Variants in COL25A1 observed in about 807,000 individuals in gnomAD.
COL25A1 encodes collagen alpha-1(XXV) chain.
In COL25A1, 103 loss-of-function variants were observed where a neutral mutation model predicts 128.4. The observed-to-expected ratio is 0.80, with a 90% CI of 0.68 to 0.94. The LOEUF (loss-of-function observed/expected upper bound fraction) is 0.94. Among genes scored for constraint, COL25A1 ranks in the 40% least tolerant of loss-of-function variants. The pLI is 0.00. For missense variants in COL25A1, 745 were observed against 840.0 expected (o/e 0.89, Z 1.40); for synonymous variants, 279 against 277.2 (o/e 1.01, Z -0.06).
intron 8 of COL25A1, among the ~76,000 whole-genome samples, chr4:108,946,497 T>A (rs891546934): frequency 6.6e-5 from 10 of 152,332 alleles, no homozygotes; most frequent in Non-Finnish European, 1.3e-4. Context: ...AGTTTAAATA[T>A]TAGAAAGCTT....
chr4:108,837,305 CA>C (rs1439938788), intron 31 of COL25A1, among the ~76,000 whole-genome samples: 1 of 151,980 alleles, frequency 6.6e-6, no homozygotes, highest in African/African-American at 2.4e-5. Flanking sequence ...GATTTTATGT[CA>C]TATTTTACTA....
intron 3 of COL25A1, among the ~76,000 whole-genome samples, chr4:109,054,169 T>C (rs1761244436): frequency 2.0e-5 from 3 of 152,378 alleles, no homozygotes; most frequent in South Asian, 4.1e-4. Flanking sequence ...GAGAATTTGA[T>C]AAAAGTTGAC....
At chr4:109,019,371 C>CATATATATATATATATAT (rs1183525991) in intron 5 of COL25A1, among the ~76,000 whole-genome samples, 22 of 8,928 alleles carry the variant, frequency 2.5e-3, no homozygotes, top group East Asian at 9.1e-3. Context: ...CACACACACA[C>CATATATATATATATATAT]ACACATATAT....
At chr4:109,296,799 T>C (rs1448747579) in intron 3 of COL25A1, among the ~76,000 whole-genome samples, 1 of 152,122 alleles carries the variant, frequency 6.6e-6, no homozygotes, top group East Asian at 1.9e-4. Flanking sequence ...ACACTACTGA[T>C]GAGTAAGATA....
At chr4:108,961,277 G>A (rs1750646565) in intron 8 of COL25A1, among the ~76,000 whole-genome samples, 1 of 152,170 alleles carries the variant, frequency 6.6e-6, no homozygotes, top group African/African-American at 2.4e-5. Context: ...TTCACACACA[G>A]AGATGTGTAT....
At chr4:108,893,064 T>C (rs1741704135) in intron 16 of COL25A1, among the ~76,000 whole-genome samples, 1 of 152,192 alleles carries the variant, frequency 6.6e-6, no homozygotes, top group Admixed American at 6.5e-5. Flanking sequence ...CCAAATATGA[T>C]GTGGCTTCTG....
chr4:109,145,134 T>C (rs1298224461), intron 3 of COL25A1, among the ~76,000 whole-genome samples: 1 of 146,698 alleles, frequency 6.8e-6, no homozygotes, highest in Non-Finnish European at 1.5e-5. Context: ...AGTGGCGCAA[T>C]CTGGGCTCCT....
intron 13 of COL25A1, among the ~76,000 whole-genome samples, chr4:108,917,586 C>A (rs1745017758): frequency 6.6e-6 from 1 of 152,168 alleles, no homozygotes; most frequent in Non-Finnish European, 1.5e-5. Context: ...AGTAAATGTA[C>A]ACAACACATA....
chr4:109,239,417 TATA>T (rs1560914863), intron 3 of COL25A1, among the ~76,000 whole-genome samples: 227 of 138,438 alleles, frequency 1.6e-3, no homozygotes, highest in African/African-American at 5.2e-3. Context: ...TATATATATA[TATA>T]TATTTATTTA....
intron 3 of COL25A1, among the ~76,000 whole-genome samples, chr4:109,076,826 C>T (rs1309040813): frequency 1.3e-5 from 2 of 152,032 alleles, no homozygotes; most frequent in East Asian, 3.9e-4. Context: ...AGATCCCTCA[C>T]ATGCACAGTT....
rs62324322 is a variant in COL25A1, at chr4:109,228,301, A to G, written c.367+72282T>C. Among the ~76,000 whole-genome samples the G allele has an allele frequency of 0.013, 1,955 of 152,250 alleles. 76 individuals carry two copies. The South Asian group carries it at 0.14, about 11-fold the overall frequency. Reference sequence around the variant, plus strand: ...CAAGTTAAAATCCAGTCAAAGTAAAATTAAGTCCACAAGTCTGCCCCTTGT... The same window carrying G: ...CAAGTTAAAATCCAGTCAAAGTAAAGTTAAGTCCACAAGTCTGCCCCTTGT... On this transcript the variant is annotated intron_variant, in intron 3 of 37. Transcript: ENST00000399132.
At chr4:109,070,931 A>G (rs1762911638) in intron 3 of COL25A1, among the ~76,000 whole-genome samples, 1 of 152,024 alleles carries the variant, frequency 6.6e-6, no homozygotes, top group Admixed American at 6.6e-5. Flanking sequence ...AATCCAGCCT[A>G]TCATTGATGG....
At chr4:109,226,499 G>T (rs1462252249) in intron 3 of COL25A1, among the ~76,000 whole-genome samples, 1 of 151,908 alleles carries the variant, frequency 6.6e-6, no homozygotes, top group Non-Finnish European at 1.5e-5. Flanking sequence ...ATCAATCAAG[G>T]CTTATCTCTT....
At chr4:109,196,932 G>C (rs1327134586) in intron 3 of COL25A1, among the ~76,000 whole-genome samples, 1 of 152,106 alleles carries the variant, frequency 6.6e-6, no homozygotes, top group Non-Finnish European at 1.5e-5. Context: ...GCTATTTCTT[G>C]TTACTCATGG....
intron 3 of COL25A1, among the ~76,000 whole-genome samples, chr4:109,068,343 A>C (rs748291948): frequency 3.3e-5 from 5 of 152,110 alleles, no homozygotes; most frequent in Admixed American, 6.5e-5. Flanking sequence ...GACCTGGTGC[A>C]CATGCAACAG....
intron 3 of COL25A1, among the ~76,000 whole-genome samples, chr4:109,222,261 A>C (rs954980877): frequency 1.3e-5 from 2 of 151,608 alleles, no homozygotes; most frequent in Admixed American, 1.3e-4. Context: ...CCGGGGTTTC[A>C]CCATGTTGGC....
chr4:109,019,371 C>CATATATATATATATATATAT (rs1183525991), intron 5 of COL25A1, among the ~76,000 whole-genome samples: 11 of 8,912 alleles, frequency 1.2e-3, no homozygotes, highest in South Asian at 0.011. Context: ...CACACACACA[C>CATATATATATATATATATAT]ACACATATAT....
chr4:109,060,045 A>G (rs140721477), intron 3 of COL25A1, among the ~76,000 whole-genome samples: 1 of 152,294 alleles, frequency 6.6e-6, no homozygotes, highest in East Asian at 1.9e-4. Context: ...AACCTCTTAG[A>G]ACCCTTGTCT....
intron 6 of COL25A1, among the ~76,000 whole-genome samples, chr4:108,984,514 G>A (rs919825301): frequency 6.6e-6 from 1 of 152,230 alleles, no homozygotes; most frequent in African/African-American, 2.4e-5. Context: ...ACGCATGGCG[G>A]GCTGCAGGTC....
Sources: allele counts gnomAD v4.1 joint callset (sites outside exome capture counted in the v4.1 genomes callset), GRCh38; gene constraint gnomAD v4.1.1; transcripts MANE v1.5; gene names NCBI Gene and HGNC (gene_info 2026-07-23, HGNC 2026-07-21).